SLC27A6: variants seen among roughly 807,000 people sequenced by gnomAD.
SLC27A6 encodes the protein solute carrier family 27 member 6, also known as long-chain fatty acid transport protein 6.
A neutral mutation model predicts 63.9 loss-of-function variants in SLC27A6; 74 were observed. The observed-to-expected ratio is 1.16, with a 90% confidence interval of 0.96 to 1.40. The LOEUF is 1.40. Ranked by LOEUF, SLC27A6 falls within the 40% of genes most tolerant of loss-of-function variation. The probability of loss-of-function intolerance (pLI) is 0.00; values close to 1 mark genes in which losing one functional copy is unlikely to be tolerated. For missense variants in SLC27A6, 794 were observed against 732.9 expected, an observed-to-expected ratio of 1.08 and a Z score of -0.96; for synonymous variants, 287 against 260.8, an observed-to-expected ratio of 1.10 and a Z score of -0.97.
intron 4 of SLC27A6, among the ~76,000 whole-genome samples, chr5:129,015,414 C>T (rs1436067709): frequency 2.0e-5 from 3 of 152,144 alleles, no homozygotes; most frequent in Non-Finnish European, 1.5e-5. Flanking sequence ...ATTAACTATA[C>T]ACTACAGTAT....
At chr5:128,994,828 A>G (rs1372820256) in intron 4 of SLC27A6, among the ~76,000 whole-genome samples, 1 of 152,208 alleles carries the variant, frequency 6.6e-6, no homozygotes, top group East Asian at 1.9e-4. Context: ...TTGGCTTTCT[A>G]TGGCCAGAAG....
intron 5 of SLC27A6, among the ~76,000 whole-genome samples, chr5:129,021,174 C>T (rs1329992362): frequency 4.0e-5 from 6 of 148,580 alleles, no homozygotes; most frequent in African/African-American, 1.0e-4. Flanking sequence ...CATAGTGTTA[C>T]CATCTAGTTG....
At chr5:129,029,891 A>G (rs1235672349) in intron 9 of SLC27A6, among the ~76,000 whole-genome samples, 184 bp downstream of exon 9, 1 of 152,052 alleles carries the variant, frequency 6.6e-6, no homozygotes, top group African/African-American at 2.4e-5. Context: ...GTGAAATGCT[A>G]GGACGTACCT....
At chr5:128,987,951 C>A (rs3886286) in intron 2 of SLC27A6, among the ~76,000 whole-genome samples, 1 of 151,650 alleles carries the variant, frequency 6.6e-6, no homozygotes, top group Non-Finnish European at 1.5e-5. Context: ...AATTTCCCAG[C>A]GAAATGGATA....
chr5:128,988,557 G>A, intron 2 of SLC27A6, 43 bp from the exon 3 acceptor site: 2 of 1,507,772 alleles, frequency 1.3e-6, no homozygotes, highest in Non-Finnish European at 9.2e-7. Flanking sequence ...GTATATGTAT[G>A]TATGTGTGTA....
intron 1 of SLC27A6, among the ~76,000 whole-genome samples, chr5:128,968,447 C>G (rs370935736): frequency 6.6e-6 from 1 of 152,092 alleles, no homozygotes; most frequent in African/African-American, 2.4e-5. Context: ...TTTTAATGAT[C>G]GCCATTCTAA....
chr5:129,026,632 C>T (rs1305341834), intron 6 of SLC27A6, among the ~76,000 whole-genome samples: 1 of 152,068 alleles, frequency 6.6e-6, no homozygotes, highest in Non-Finnish European at 1.5e-5. Flanking sequence ...TATTTTACCC[C>T]TCTCGGTCCT....
At chr5:129,003,032 G>T (rs117367367) in intron 4 of SLC27A6, among the ~76,000 whole-genome samples, 1 of 152,180 alleles carries the variant, frequency 6.6e-6, no homozygotes, top group East Asian at 1.9e-4. Context: ...GTGTGCTTTG[G>T]CATGTGTGTC....
chr5:128,974,496 G>A (rs867505076), intron 1 of SLC27A6, among the ~76,000 whole-genome samples: 2 of 152,290 alleles, frequency 1.3e-5, no homozygotes, highest in Middle Eastern at 6.8e-3. Context: ...TTAGATCATA[G>A]TCACTTTTAT....
intron 4 of SLC27A6, among the ~76,000 whole-genome samples, chr5:129,006,069 C>CTTTTTTTTTT (rs1561624835): frequency 3.1e-4 from 20 of 64,846 alleles, no homozygotes; most frequent in South Asian, 1.4e-3. Context: ...CCTGTGCACA[C>CTTTTTTTTTT]TGTTTTTTTT....
intron 7 of SLC27A6, among the ~76,000 whole-genome samples, chr5:129,027,820 G>T (rs1259788761): frequency 6.6e-6 from 1 of 151,964 alleles, no homozygotes; most frequent in Non-Finnish European, 1.5e-5. Flanking sequence ...CTTGTACCAT[G>T]TTATAAGCTC....
rs925930382 is a variant in SLC27A6 at position 128,965,713 on chromosome 5, C to A, written c.-425C>A. ...GGGTGGTGAGGTTTGTTTAGGGTCG[C>A]AGAAGCAGGGAGGACTGACTCAGCC... is the stretch of plus-strand genomic sequence containing the variant. On this transcript the variant is annotated 5_prime_UTR_variant, in exon 1 of 10. Transcript: ENST00000262462. The A allele has an allele frequency of 6.2e-6, 1 of 162,000 alleles. No individual in the cohort carries two copies. Among genetic ancestry groups the A allele is most frequent in the African/African-American group, 2.4e-5 (1 of 41,834 alleles). The allele number at this position is 162,000 out of a possible 1,614,324, so 10.0% of individuals were successfully genotyped here.
At chr5:128,984,595 T>C (rs1437742566) in intron 1 of SLC27A6, among the ~76,000 whole-genome samples, 15 of 152,198 alleles carry the variant, frequency 9.9e-5, no homozygotes, top group Admixed American at 9.8e-4. Flanking sequence ...AGTCTTCACC[T>C]CTCTCTCCCA....
chr5:128,985,521 T>A (rs1018246608), intron 2 of SLC27A6, among the ~76,000 whole-genome samples, 185 bp downstream of exon 2: 2 of 152,204 alleles, frequency 1.3e-5, no homozygotes, highest in Admixed American at 1.3e-4. Flanking sequence ...TAACTTTTAC[T>A]TGAAAAGTCA....
intron 1 of SLC27A6, among the ~76,000 whole-genome samples, chr5:128,975,589 A>G (rs1750347815): frequency 6.6e-6 from 1 of 152,216 alleles, no homozygotes; most frequent in Non-Finnish European, 1.5e-5. Flanking sequence ...ATGGTACAGT[A>G]AAAACATAGT....
chr5:129,021,412 ATTAAC>A (rs1752073182), intron 5 of SLC27A6, among the ~76,000 whole-genome samples: 5 of 152,138 alleles, frequency 3.3e-5, no homozygotes, highest in Admixed American at 3.3e-4. Context: ...AATCAAGGAA[ATTAAC>A]TTTGCGTTCC....
chr5:129,033,604 A>C lies in SLC27A6; in HGVS notation c.*322A>C, dbSNP rs1399988018. ...GTACTTTCTAATAAGTAAAATTTCTAATTTTGAATAAAAGATTAAATTTTA... is the reference window on the plus strand; with the variant it reads ...GTACTTTCTAATAAGTAAAATTTCTCATTTTGAATAAAAGATTAAATTTTA... On this transcript the variant is annotated 3_prime_UTR_variant, in exon 10 of 10. Coordinates refer to ENST00000262462, the MANE Select transcript of SLC27A6 (RefSeq NM_001017372.3). The C allele has an allele frequency of 6.5e-6, 1 of 154,438 alleles. No homozygotes were observed. Among genetic ancestry groups the C allele is most frequent in the East Asian group, 1.9e-4 (1 of 5,334 alleles). 9.6% of individuals were successfully genotyped at this position (154,438 alleles called of 1,614,324 possible). A position where few individuals can be genotyped will look rare whatever the true frequency, so the allele number is the denominator to read the frequency against.
intron 1 of SLC27A6, among the ~76,000 whole-genome samples, chr5:128,982,196 C>T (rs529665303): frequency 6.6e-6 from 1 of 152,258 alleles, no homozygotes; most frequent in Admixed American, 6.5e-5. Context: ...CTACATGACT[C>T]TTTTATTTTA....
chr5:128,973,404 G>A (rs944502011), intron 1 of SLC27A6, among the ~76,000 whole-genome samples: 14 of 152,284 alleles, frequency 9.2e-5, no homozygotes, highest in East Asian at 1.9e-4. Context: ...CACACAGCCC[G>A]GTTTGAGCTG....
Sources: gnomAD v4.1 joint callset for allele counts (sites outside exome capture counted in the v4.1 genomes callset) on GRCh38, gnomAD v4.1.1 for gene constraint, MANE v1.5 for transcripts, NCBI Gene and HGNC (gene_info 2026-07-23, HGNC 2026-07-21) for gene names.